RPL30: variants seen among roughly 807,000 people sequenced by gnomAD.
RPL30 encodes ribosomal protein L30, also known as large ribosomal subunit protein eL30.
For missense variants in RPL30, 60 were observed against 138.0 expected (o/e 0.43, Z 2.83); for synonymous variants, 40 against 50.4 (o/e 0.79, Z 0.87).
At chr8:98,042,319 G>T in intron 4 of RPL30, 1 of 443,070 alleles carries the variant, frequency 2.3e-6, no homozygotes, top group Non-Finnish European at 4.3e-6. Context: ...TTCTCAAGAA[G>T]CAAGAATTAC....
intron 3 of RPL30, 94 bp downstream of exon 3, chr8:98,044,849 G>C (rs373863174): frequency 7.5e-7 from 1 of 1,329,086 alleles, no homozygotes; most frequent in Admixed American, 2.1e-5. Flanking sequence ...GCAAGTGTTC[G>C]AGTTCATGGT....
intron 3 of RPL30, 62 bp downstream of exon 3, chr8:98,044,881 T>C: frequency 1.3e-6 from 2 of 1,537,540 alleles, no homozygotes; most frequent in Non-Finnish European, 1.8e-6. Context: ...AAGTTTACAC[T>C]CCTGTATATT....
At position 98,041,779 on chromosome 8, in the gene RPL30, GA is replaced by G. The variant is rs748608037; in HGVS notation, c.*21del. ...TTTTGCAGGTTTAAGGTTTGCAGGT[GA>G]AATTTTGTAGGTGAAAAGGTTTACT... On this transcript the variant is annotated 3_prime_UTR_variant, in exon 5 of 5. Coordinates refer to ENST00000287038, the MANE Select transcript of RPL30 (RefSeq NM_000989.4). The G allele has an allele frequency of 3.2e-6, 5 of 1,571,756 alleles. No homozygotes were observed. In the African/African-American group the frequency reaches 6.8e-5, roughly 21 times the overall value.
intron 4 of RPL30, chr8:98,042,400 T>C (rs1814393219): frequency 6.5e-6 from 3 of 458,756 alleles, no homozygotes; most frequent in African/African-American, 4.0e-5. Context: ...CATTATTTCA[T>C]AGGTACTTCA....
chr8:98,042,578 A>G lies in RPL30; in HGVS notation c.298+67T>C, dbSNP rs1814397000. 4.9e-6 allele frequency: 7 copies of G among 1,441,844 alleles called. 1 individual carries two copies. In the South Asian group the frequency reaches 8.5e-5, roughly 18 times the overall value. The allele number at this position is 1,441,844 out of a possible 1,614,324, so 89.3% of individuals were successfully genotyped here. On this transcript the variant is annotated intron_variant, in intron 4 of 4. Transcript: ENST00000287038. ...AACCAAAGACATTTGCGTAGTAAGA[A>G]ATACTTGTCCAGACATTACATTAGA...
At chr8:98,042,880 AAAGT>A in intron 3 of RPL30, 105 bp from the exon 4 acceptor site, 2 of 1,057,042 alleles carry the variant, frequency 1.9e-6, no homozygotes. Flanking sequence ...AGGCCTTCAA[AAAGT>A]AACAAAATCA....
At chr8:98,042,502 A>G (rs1303885410) in intron 4 of RPL30, 143 bp downstream of exon 4, 2 of 785,966 alleles carry the variant, frequency 2.5e-6, no homozygotes, top group Non-Finnish European at 4.0e-6. Context: ...TCTCTACAAA[A>G]TACAACTACA....
Position 98,044,936 on chromosome 8 carries a change from C to T in RPL30, c.167+7G>A, listed in dbSNP as rs377027751. Reference sequence around the variant, plus strand: ...GTAGGCGAAGCCCGTTCAGTCTCTTCGATTACCTCAAAGCTGGGCAGTTGT... The same window carrying T: ...GTAGGCGAAGCCCGTTCAGTCTCTTTGATTACCTCAAAGCTGGGCAGTTGT... On this transcript the variant is annotated splice_region_variant and intron_variant, in intron 3 of 4. Coordinates refer to ENST00000287038, the MANE Select transcript of RPL30 (RefSeq NM_000989.4). The T allele has an allele frequency of 1.2e-6, 2 of 1,611,700 alleles. No individual in the cohort carries two copies. Among genetic ancestry groups the T allele is most frequent in the South Asian group, 1.1e-5 (1 of 90,834 alleles).
At chr8:98,043,770 A>C (rs1422074392) in intron 3 of RPL30, 1 of 152,024 alleles carries the variant, frequency 6.6e-6, no homozygotes, top group Non-Finnish European at 1.5e-5. Context: ...CTTGCCACTC[A>C]ATTATGTGAA....
At chr8:98,042,961 A>G in intron 3 of RPL30, 186 bp from the exon 4 acceptor site, 1 of 501,908 alleles carries the variant, frequency 2.0e-6, no homozygotes, top group Non-Finnish European at 3.4e-6. Context: ...TATCCCTTGC[A>G]AGTGAAGGGG....
chr8:98,043,027 C>T (rs1475261127), intron 3 of RPL30: 5 of 304,202 alleles, frequency 1.6e-5, no homozygotes, highest in Middle Eastern at 9.4e-4. Context: ...TCAATACTCA[C>T]GGAAGAGGGT....
chr8:98,045,065 G>C lies in RPL30; in HGVS notation c.45C>G (p.Asn15Lys). The C allele has an allele frequency of 3.1e-6, 5 of 1,614,106 alleles. No individual in the cohort carries two copies. Among genetic ancestry groups the C allele is most frequent in the Non-Finnish European group, 4.2e-6 (5 of 1,180,002 alleles). ...KKTKKSLESI[N>K]SRLQLVMKSG... ...TTTTCATAACGAGTTGGAGCCTAGAGTTGATCGACTCCAGCGACTTTTTCT... is the reference window on the plus strand; with the variant it reads ...TTTTCATAACGAGTTGGAGCCTAGACTTGATCGACTCCAGCGACTTTTTCT... The change falls in exon 3 of 5, where the codon AAC becomes AAG. Residue 15 changes from asparagine (N) to lysine (K), a missense_variant. Transcript: ENST00000287038.
chr8:98,045,520 C>G lies in RPL30; in HGVS notation c.-45G>C, dbSNP rs1814461210. 1.4e-6 allele frequency: 1 copy of G among 715,170 alleles called. No homozygotes were observed. Among genetic ancestry groups the G allele is most frequent in the Non-Finnish European group, 2.4e-6 (1 of 413,586 alleles). 44.3% of individuals were successfully genotyped at this position (715,170 alleles called of 1,614,324 possible). On this transcript the variant is annotated 5_prime_UTR_variant, in exon 1 of 5. Transcript: ENST00000287038. ...GGAGCCCACTCACCAACAGCAGCCG[C>G]TAAGATGGCCGGGGAACGAGAAAGG...
At chr8:98,044,916 C>T (rs1049953095) in intron 3 of RPL30, 27 bp downstream of exon 3, 5 of 1,606,672 alleles carry the variant, frequency 3.1e-6, no homozygotes, top group Admixed American at 3.4e-5. Flanking sequence ...TCGCGGTAGG[C>T]GAAGCCCGTT....
Position 98,042,679 on chromosome 8 carries a change from G to A in RPL30, c.264C>T (p.Tyr88=). ...NIELGTACGK[Y]YRVCTLAIID... ...TGATAGCCAGTGTGCACACTCTGTA[G>A]TATTTTCCGCATGCTGTGCCCAGTT... Residue 88 remains tyrosine, a synonymous_variant, in exon 4 of 5, where the codon TAC becomes TAT. Transcript: ENST00000287038. The A allele has an allele frequency of 6.2e-7, 1 of 1,611,928 alleles. No homozygotes were observed. Among genetic ancestry groups the A allele is most frequent in the Non-Finnish European group, 8.5e-7 (1 of 1,179,304 alleles).
chr8:98,042,887 C>A, intron 3 of RPL30, 112 bp from the exon 4 acceptor site: 1 of 952,340 alleles, frequency 1.1e-6, no homozygotes, highest in Non-Finnish European at 1.5e-6. Flanking sequence ...CAAAAAGTAA[C>A]AAAATCACAT....
At chr8:98,041,951 G>C in intron 4 of RPL30, 101 bp from the exon 5 acceptor site, 1 of 880,854 alleles carries the variant, frequency 1.1e-6, no homozygotes, top group African/African-American at 1.7e-5. Context: ...TGTAGACAAT[G>C]GTCTGCAAAT....
At chr8:98,044,852 T>G (rs1814447549) in intron 3 of RPL30, 91 bp downstream of exon 3, 1 of 1,361,924 alleles carries the variant, frequency 7.3e-7, no homozygotes, top group South Asian at 1.3e-5. Context: ...AGTGTTCGAG[T>G]TCATGGTACT....
intron 3 of RPL30, 68 bp downstream of exon 3, chr8:98,044,875 T>G: frequency 6.6e-7 from 1 of 1,512,566 alleles, no homozygotes; most frequent in East Asian, 2.3e-5. Flanking sequence ...GATTACAAGT[T>G]TACACTCCTG....
Sources: allele counts gnomAD v4.1 joint callset, GRCh38; gene constraint gnomAD v4.1.1; transcripts MANE v1.5; gene names NCBI Gene and HGNC (gene_info 2026-07-23, HGNC 2026-07-21).